Variants in SLC25A22 observed in about 807,000 individuals in gnomAD.
The protein encoded by SLC25A22 is solute carrier family 25 member 22.
SLC25A22 carries 23 observed loss-of-function variants against 33.7 expected under a neutral mutation model. That is an observed-to-expected ratio of 0.68 (90% CI 0.49 to 0.97). The LOEUF is 0.97. Ranked by LOEUF, SLC25A22 falls within the 50% of genes least tolerant of loss-of-function variation. The pLI, the probability that SLC25A22 is intolerant of heterozygous loss-of-function variation, is 0.00. For missense variants in SLC25A22, 390 were observed against 451.1 expected (o/e 0.86, Z 1.23); for synonymous variants, 245 against 203.8 (o/e 1.20, Z -1.72).
At position 791,916 on chromosome 11, in the gene SLC25A22, C is replaced by T. The variant is rs963466295; in HGVS notation, c.971G>A (p.Ter324=). 1.9e-6 allele frequency: 3 copies of T among 1,595,840 alleles called. No individual in the cohort carries two copies. The highest frequency in any genetic ancestry group is 2.5e-6 in the Non-Finnish European group (3 of 1,177,558). The change falls in exon 10 of 10, where the codon TGA becomes TAA. Residue 324 remains the stop codon, a stop_retained_variant. Transcript: ENST00000628067. ...GCTGGGGTGGAGCGGGTGCTGGGCT[C>T]AGGCCTGGGGGTCCTGCAGCAGCCC... ...LLGLLQDPQA[*]
intron 4 of SLC25A22, chr11:793,957 C>T: frequency 6.3e-6 from 3 of 478,030 alleles, no homozygotes; most frequent in East Asian, 8.1e-5. Context: ...GGTGCTTGTG[C>T]TGGCAGGGGG....
At chr11:797,757 C>T (rs1013504270) in intron 1 of SLC25A22, 1 of 398,550 alleles carries the variant, frequency 2.5e-6, no homozygotes, top group South Asian at 1.3e-4. Context: ...CGCGATGCCT[C>T]GGCCAGAGGA....
At position 794,255 on chromosome 11, in the gene SLC25A22, G is replaced by A. The variant is rs1429593553; in HGVS notation, c.202+203C>T. On this transcript the variant is annotated intron_variant, in intron 4 of 9. Coordinates refer to ENST00000628067, the MANE Select transcript of SLC25A22 (RefSeq NM_001191061.2). The stretch of plus-strand genomic sequence containing the variant: ...GCACCAGGCACTAAGTGGGGGTGGG[G>A]AGCTGCCACGGGAGAGGCTGAGAAC... 4 of 721,766 alleles carry A rather than the reference G, an allele frequency of 5.5e-6. No individual in the cohort carries two copies. The African/African-American group carries it at 6.9e-5, about 13-fold the overall frequency. The allele number at this position is 721,766 out of a possible 1,614,324, so 44.7% of individuals were successfully genotyped here.
Position 794,834 on chromosome 11 carries a change from C to A in SLC25A22, c.88G>T (p.Asp30Tyr). The A allele has an allele frequency of 6.3e-7, 1 of 1,588,960 alleles. No individual in the cohort carries two copies. The highest frequency in any genetic ancestry group is 1.1e-5 in the South Asian group (1 of 87,256). ...LIGVTCVFPI[D>Y]LAKTRLQNQQ... ...TTCTGCAGCCTGGTCTTGGCCAGGT[C>A]GATGGGAAACACGCAGGTGACACCG... Residue 30 changes from aspartate to tyrosine, a missense_variant, in exon 3 of 10, where the codon GAC (aspartate) becomes TAC (tyrosine). Transcript: ENST00000628067.
At chr11:797,920 C>T (rs937164823) in intron 1 of SLC25A22, 13 of 398,390 alleles carry the variant, frequency 3.3e-5, no homozygotes, top group Non-Finnish European at 5.3e-5. Flanking sequence ...TGAACTCCCA[C>T]GTGTGCGTCC....
At chr11:793,937 G>A (rs1291110516) in intron 4 of SLC25A22, 9 of 491,594 alleles carry the variant, frequency 1.8e-5, no homozygotes. Context: ...TCCCTCCCTG[G>A]AGGACAGATG....
chr11:796,345 G>A (rs1864827697), intron 1 of SLC25A22: 2 of 152,068 alleles, frequency 1.3e-5, no homozygotes, highest in South Asian at 4.1e-4. Flanking sequence ...TTTCACTTTG[G>A]GCAAGCAGAG....
chr11:793,476 TC>T, intron 5 of SLC25A22, 52 bp downstream of exon 5: 1 of 1,565,926 alleles, frequency 6.4e-7, no homozygotes, highest in Admixed American at 1.7e-5. Flanking sequence ...GGTGGACCCA[TC>T]CTTTATCTGA....
At chr11:798,033 G>T in intron 1 of SLC25A22, 184 bp downstream of exon 1, 1 of 398,416 alleles carries the variant, frequency 2.5e-6, no homozygotes, top group East Asian at 3.6e-5. Context: ...GCCGAGCACG[G>T]CGTCTCACGC....
intron 1 of SLC25A22, chr11:797,562 ATCTG>A (rs1864898450): frequency 1.0e-5 from 4 of 398,400 alleles, no homozygotes; most frequent in African/African-American, 8.2e-5. Context: ...CTGCTTCCGA[ATCTG>A]CAGGGGTAAA....
At chr11:794,407 CG>C (rs1565039016) in intron 4 of SLC25A22, 50 bp downstream of exon 4, 12 of 1,593,838 alleles carry the variant, frequency 7.5e-6, no homozygotes, top group Non-Finnish European at 9.4e-6. Context: ...CCACGACTCG[CG>C]GGCGCTACCC....
At position 792,309 on chromosome 11, in the gene SLC25A22, CAG is replaced by C. The variant is rs796053242; in HGVS notation, c.735_736del (p.Cys246Ter). ...GCGCCATCCCATGCACTGACCATCACAGGGGTTGACGGCCACAGCGGCGGCAC... is the reference window on the plus strand; with the variant it reads ...GCGCCATCCCATGCACTGACCATCACGGGTTGACGGCCACAGCGGCGGCAC... On this transcript the variant is annotated frameshift_variant, in exon 8 of 10. Transcript: ENST00000628067. LOFTEE classifies it high-confidence loss of function. 5.6e-6 allele frequency: 9 copies of C among 1,613,230 alleles called. No individual in the cohort carries two copies. Among genetic ancestry groups the C allele is most frequent in the South Asian group, 1.1e-5 (1 of 91,088 alleles).
chr11:792,820 T>G, intron 6 of SLC25A22, 50 bp downstream of exon 6: 2 of 964,454 alleles, frequency 2.1e-6, no homozygotes, highest in Non-Finnish European at 2.9e-6. Flanking sequence ...CCCCTCGCCC[T>G]CACCTCTTCC....
At position 794,962 on chromosome 11, in the gene SLC25A22, C is replaced by G. The variant is rs958927060; in HGVS notation, c.20+25G>C. 8 of 1,561,846 alleles carry G rather than the reference C, an allele frequency of 5.1e-6. No homozygotes were observed. The African/African-American group carries it at 1.1e-4, about 21-fold the overall frequency. On this transcript the variant is annotated intron_variant, in intron 2 of 9. Transcript: ENST00000628067. ...ACCATGGGTCAGGGTGGGGGTGAGG[C>G]ACGCAGCCAGGACTGGAGTCTGACC...
Position 794,748 on chromosome 11 carries a change from A to G in SLC25A22, c.146+28T>C, listed in dbSNP as rs1590122164. The stretch of plus-strand genomic sequence containing the variant: ...TCTCCTGCTGCCACATGCTGGGCCC[A>G]CTCCCCGCGACCGCCCGGCACACTC... On this transcript the variant is annotated intron_variant, in intron 3 of 9. Coordinates refer to ENST00000628067, the MANE Select transcript of SLC25A22 (RefSeq NM_001191061.2). 4 of 1,589,746 alleles carry G rather than the reference A, an allele frequency of 2.5e-6. No individual in the cohort carries two copies. In the East Asian group the frequency reaches 9.1e-5, roughly 36 times the overall value.
At chr11:794,197 CAGAGA>C (rs777039042) in intron 4 of SLC25A22, 7 of 697,322 alleles carry the variant, frequency 1.0e-5, no homozygotes, top group South Asian at 6.0e-5. Context: ...CTGTGGCCAC[CAGAGA>C]AGAGACAGAT....
intron 1 of SLC25A22, 193 bp downstream of exon 1, chr11:798,023 GC>G (rs1389825372): frequency 2.5e-6 from 1 of 398,292 alleles, no homozygotes; most frequent in African/African-American, 2.1e-5. Flanking sequence ...AACCGTCGGG[GC>G]CGAGCACGGC....
At position 791,744 on chromosome 11, in the gene SLC25A22, C is replaced by G; in HGVS notation, c.*171G>C. 1.2e-6 allele frequency: 1 copy of G among 855,382 alleles called. No individual in the cohort carries two copies. Among genetic ancestry groups the G allele is most frequent in the South Asian group, 1.8e-5 (1 of 55,752 alleles). The allele number at this position is 855,382 out of a possible 1,614,324, so 53.0% of individuals were successfully genotyped here. A position where few individuals can be genotyped will look rare whatever the true frequency, so the allele number is the denominator to read the frequency against. On this transcript the variant is annotated 3_prime_UTR_variant, in exon 10 of 10. Transcript: ENST00000628067. ...GATCCCAACGGTGCAGGCAGCACCC[C>G]GGGGGGCTTGCGTGTGCACCACCTA...
chr11:792,909 C>T lies in SLC25A22; in HGVS notation c.373G>A (p.Glu125Lys), dbSNP rs1864614530. The part of the protein sequence containing the change: ...TCQVIVTTPM[E>K]MLKIQLQDAG... ...TCCTGCAGCTGGATCTTCAGCATCT[C>T]CATGGGCGTGGTCACGATCACCTGG... Residue 125 changes from glutamate (E) to lysine (K), a missense_variant, in exon 6 of 10, where the codon GAG (glutamate) becomes AAG (lysine). Transcript: ENST00000628067. The T allele has an allele frequency of 6.2e-7, 1 of 1,612,788 alleles. No individual in the cohort carries two copies. The highest frequency in any genetic ancestry group is 1.7e-5 in the Admixed American group (1 of 59,966).
Sources: allele counts gnomAD v4.1 joint callset, GRCh38; gene constraint gnomAD v4.1.1; transcripts MANE v1.5; gene names NCBI Gene and HGNC (gene_info 2026-07-23, HGNC 2026-07-21).